Variants in PNPLA3 observed in about 807,000 individuals in gnomAD.
PNPLA3 encodes the protein 1-acylglycerol-3-phosphate O-acyltransferase PNPLA3.
PNPLA3 carries 42 observed loss-of-function variants against 43.1 expected under a neutral mutation model. The observed-to-expected ratio is 0.97, with a 90% CI of 0.76 to 1.26. The LOEUF (loss-of-function observed/expected upper bound fraction) is 1.26, where lower values mean the gene tolerates loss of function less well. Among genes scored for constraint, PNPLA3 ranks in the 50% most tolerant of loss-of-function variants. PNPLA3 has a pLI of 0.00. For synonymous variants in PNPLA3, 272 were observed against 253.6 expected, an observed-to-expected ratio of 1.07 and a Z score of -0.69; for missense variants, 647 against 621.4, an observed-to-expected ratio of 1.04 and a Z score of -0.44.
intron 5 of PNPLA3, 91 bp from the exon 6 acceptor site, chr22:43,936,960 C>T: frequency 9.6e-7 from 1 of 1,039,970 alleles, no homozygotes; most frequent in South Asian, 1.4e-5. Flanking sequence ...AACAGGCCAG[C>T]TGCCTGCCTC....
intron 8 of PNPLA3, among the ~76,000 whole-genome samples, chr22:43,945,673 C>A (rs1176672136): frequency 6.6e-6 from 1 of 152,082 alleles, no homozygotes; most frequent in African/African-American, 2.4e-5. Context: ...GGATCCTGGG[C>A]CCTGGCTGGC....
intron 5 of PNPLA3, among the ~76,000 whole-genome samples, chr22:43,935,635 G>A (rs1469728912): frequency 1.3e-5 from 2 of 152,024 alleles, no homozygotes; most frequent in Non-Finnish European, 2.9e-5. Flanking sequence ...GACACAGACA[G>A]GATGGCATGA....
chr22:43,946,277 G>A lies in PNPLA3; in HGVS notation c.1341G>A (p.Arg447=). The A allele has an allele frequency of 1.9e-6, 3 of 1,614,202 alleles. No homozygotes were observed. The South Asian group carries it at 3.3e-5, about 18-fold the overall frequency. ...PAETKAEATP[R]SILRSSLNFF... is the part of the protein sequence containing the mutation. ...AGACCAAAGCAGAGGCCACCCCGCG[G>A]TCCATCCTCAGGTCCAGCCTGAACT... is the stretch of plus-strand genomic sequence containing the variant. The change falls in exon 9 of 9, where the codon CGG becomes CGA. Residue 447 remains arginine, a synonymous_variant. Transcript: ENST00000216180.
At chr22:43,942,092 GC>G (rs1328259349) in intron 7 of PNPLA3, among the ~76,000 whole-genome samples, 2 of 152,190 alleles carry the variant, frequency 1.3e-5, no homozygotes, top group Non-Finnish European at 2.9e-5. Flanking sequence ...GAGGGAATGA[GC>G]CAGCCCATCC....
At position 43,938,467 on chromosome 22, in the gene PNPLA3, G is replaced by A. The variant is rs201046306; in HGVS notation, c.979+1195G>A. On this transcript the variant is annotated intron_variant, in intron 6 of 8. Transcript: ENST00000216180. ...CTGGCATCTGCTCAGCTTCTGGGGA[G>A]GCCTCAGGAAACTTACAATCATGGC... is the stretch of plus-strand genomic sequence containing the variant. 1.3e-4 allele frequency among the ~76,000 whole-genome samples: 20 copies of A among 152,250 alleles called. No homozygotes were observed. In the East Asian group the frequency reaches 2.3e-3, roughly 18 times the overall value.
chr22:43,936,160 G>A (rs1289267761), intron 5 of PNPLA3, among the ~76,000 whole-genome samples: 2 of 152,154 alleles, frequency 1.3e-5, no homozygotes, highest in South Asian at 2.1e-4. Context: ...GGCAGGAAGA[G>A]CTGGTGTGCC....
chr22:43,939,073 A>C (rs918047273), intron 6 of PNPLA3, among the ~76,000 whole-genome samples: 1 of 152,068 alleles, frequency 6.6e-6, no homozygotes, highest in African/African-American at 2.4e-5. Flanking sequence ...TTACAGGTGC[A>C]CACCACCACG....
rs771432728 is a variant in PNPLA3, at chr22:43,944,742, G to A, written c.1164G>A (p.Trp388Ter). 3.1e-6 allele frequency: 5 copies of A among 1,614,078 alleles called. No individual in the cohort carries two copies. Among genetic ancestry groups the A allele is most frequent in the Non-Finnish European group, 4.2e-6 (5 of 1,180,040 alleles). The stretch of plus-strand genomic sequence containing the variant: ...CCGACGATGTCCTGTGGTTGCAGTG[G>A]GTGACCTCACAGGTGTTCACTCGAG... ...DMPDDVLWLQWVTSQVFTRVL... is the reference protein window; with the variant it reads ...DMPDDVLWLQ The change falls in exon 8 of 9, where the codon TGG becomes TGA. Residue 388 changes from tryptophan (W) to a stop codon, truncating the protein, a stop_gained. Coordinates refer to ENST00000216180, the MANE Select transcript of PNPLA3 (RefSeq NM_025225.3). LOFTEE classifies it high-confidence loss of function.
intron 1 of PNPLA3, among the ~76,000 whole-genome samples, chr22:43,925,615 G>A (rs1200419819): frequency 6.6e-6 from 1 of 152,186 alleles, no homozygotes; most frequent in Non-Finnish European, 1.5e-5. Flanking sequence ...GCAGTGGGCA[G>A]CCCCTGGGCT....
In PNPLA3 at chr22:43,946,840, A is replaced by C. The variant is rs991194529; in HGVS notation, c.*458A>C. 1.1e-5 allele frequency: 5 copies of C among 452,822 alleles called. No homozygotes were observed. Among genetic ancestry groups the C allele is most frequent in the African/African-American group, 9.9e-5 (5 of 50,316 alleles). The allele number at this position is 452,822 out of a possible 1,614,324, so 28.1% of individuals were successfully genotyped here. A position where few individuals can be genotyped will look rare whatever the true frequency, so the allele number is the denominator to read the frequency against. ...GGAAGGGGTGCAGTTCGTCCCCAAG[A>C]ACGACACTGCCTGTCAGGTGGTCTG... On this transcript the variant is annotated 3_prime_UTR_variant, in exon 9 of 9. Coordinates refer to ENST00000216180, the MANE Select transcript of PNPLA3 (RefSeq NM_025225.3).
intron 3 of PNPLA3, among the ~76,000 whole-genome samples, chr22:43,930,533 C>G (rs1434812921): frequency 2.0e-5 from 3 of 152,204 alleles, no homozygotes; most frequent in African/African-American, 7.2e-5. Flanking sequence ...GTGCACCCAG[C>G]AGCACCGTAG....
Position 43,926,961 on chromosome 22 carries a change from C to G in PNPLA3, c.214C>G (p.Leu72Val), listed in dbSNP as rs2049926830. 6 of 1,614,242 alleles carry G rather than the reference C, an allele frequency of 3.7e-6. No homozygotes were observed. Among genetic ancestry groups the G allele is most frequent in the Non-Finnish European group, 5.1e-6 (6 of 1,180,036 alleles). ...LEQTLQVLSD[L>V]VRKARSRNIG... is the part of the protein sequence containing the mutation. ...GCAGACTCTGCAGGTCCTCTCAGAT[C>G]TTGTGCGGAAGGCCAGGAGTCGGAA... Residue 72 changes from leucine to valine, a missense_variant, in exon 2 of 9, where the codon CTT becomes GTT. By Grantham distance (32) the Leu-to-Val change is conservative (BLOSUM62 1). Transcript: ENST00000216180.
rs759239884 is a variant in PNPLA3, at chr22:43,926,937, C to G, written c.190C>G (p.Gln64Glu). 1 of 1,613,560 alleles carries G rather than the reference C, an allele frequency of 6.2e-7. No individual in the cohort carries two copies. The highest frequency in any genetic ancestry group is 8.5e-7 in the Non-Finnish European group (1 of 1,179,432). Residue 64 changes from glutamine (Q) to glutamate (E), a missense_variant and splice_region_variant, in exon 2 of 9, where the codon CAG becomes GAG. Transcript: ENST00000216180. ...ATGTATTTGTCTCCTGTCCCCAGAG[C>G]AGACTCTGCAGGTCCTCTCAGATCT... Reference protein sequence around the residue: ...VGVLSGIPLEQTLQVLSDLVR... With the variant: ...VGVLSGIPLEETLQVLSDLVR...
In PNPLA3 at chr22:43,937,155, G is replaced by T. The variant is rs778267335; in HGVS notation, c.862G>T (p.Glu288Ter). The T allele has an allele frequency of 9.9e-6, 16 of 1,614,078 alleles. No individual in the cohort carries two copies. The South Asian group carries it at 1.6e-4, about 17-fold the overall frequency. ...AAACATGAGTCTGGATTCTTCCCCG[G>T]AGTCGGCTGCCTTGGCTGTGAGGCT... ...WANMSLDSSPESAALAVRLEG... is the reference protein window; with the variant it reads ...WANMSLDSSP Residue 288 changes from glutamate (E) to a stop codon, truncating the protein, a stop_gained, in exon 6 of 9, where the codon GAG becomes TAG. Transcript: ENST00000216180. LOFTEE classifies it high-confidence loss of function.
intron 6 of PNPLA3, 86 bp downstream of exon 6, chr22:43,937,358 C>G (rs983108438): frequency 7.7e-7 from 1 of 1,296,058 alleles, no homozygotes; most frequent in Non-Finnish European, 1.1e-6. Flanking sequence ...CACATGGGAG[C>G]GATAGGGTGA....
intron 5 of PNPLA3, among the ~76,000 whole-genome samples, chr22:43,936,063 G>A (rs1883349): frequency 0.2 from 30,092 of 152,066 alleles, 3,511 homozygotes; most frequent in East Asian, 0.39. Flanking sequence ...GCGCAGTCCC[G>A]GCTTCTGGCT....
At chr22:43,925,779 G>A (rs1325334860) in intron 1 of PNPLA3, among the ~76,000 whole-genome samples, 1 of 152,224 alleles carries the variant, frequency 6.6e-6, no homozygotes, top group African/African-American at 2.4e-5. Context: ...AACAATAAAA[G>A]TCAGCTTTTT....
Position 43,943,734 on chromosome 22 carries a change from G to A in PNPLA3, c.1113-957G>A, listed in dbSNP as rs898877645. Among the ~76,000 whole-genome samples the A allele has an allele frequency of 2.0e-5, 3 of 152,250 alleles. No individual in the cohort carries two copies. The South Asian group carries it at 6.2e-4, about 32-fold the overall frequency. On this transcript the variant is annotated intron_variant, in intron 7 of 8. Transcript: ENST00000216180. ...TATTTCACTCACATCTTTACACGAA[G>A]ATTTGGTGGGTGTTTACTTTGTTTT...
chr22:43,943,414 G>A (rs902330312), intron 7 of PNPLA3, among the ~76,000 whole-genome samples: 22 of 152,254 alleles, frequency 1.4e-4, no homozygotes, highest in African/African-American at 5.1e-4. Flanking sequence ...CTACTTGGCG[G>A]TGCTACCGCT....
Sources: allele counts gnomAD v4.1 joint callset (sites outside exome capture counted in the v4.1 genomes callset), GRCh38; gene constraint gnomAD v4.1.1; transcripts MANE v1.5; gene names NCBI Gene and HGNC (gene_info 2026-07-23, HGNC 2026-07-21).